Variants in PRUNE2 observed in about 807,000 individuals in gnomAD.
PRUNE2 encodes the protein prune homolog 2 with BCH domain.
PRUNE2 carries 164 observed loss-of-function variants against 252.0 expected under a neutral mutation model. That is an observed-to-expected ratio of 0.65 (90% CI 0.57 to 0.74). PRUNE2 has a LOEUF of 0.74. PRUNE2 is among the 30% of genes least tolerant of loss of function. The probability of loss-of-function intolerance (pLI) is 0.00; values close to 1 mark genes in which losing one functional copy is unlikely to be tolerated. For missense variants in PRUNE2, 3,495 were observed against 3,711.0 expected, an observed-to-expected ratio of 0.94 and a Z score of 1.51; for synonymous variants, 1,292 against 1,350.2, an observed-to-expected ratio of 0.96 and a Z score of 0.94.
chr9:76,623,958 T>C (rs1043583467), intron 17 of PRUNE2, among the ~76,000 whole-genome samples: 12 of 152,362 alleles, frequency 7.9e-5, no homozygotes, highest in African/African-American at 2.6e-4. Context: ...TGTTTTTCTA[T>C]TCATCAAAAT....
At chr9:76,902,730 T>C (rs982853104) in intron 1 of PRUNE2, among the ~76,000 whole-genome samples, 2 of 152,194 alleles carry the variant, frequency 1.3e-5, no homozygotes, top group Admixed American at 1.3e-4. Flanking sequence ...TTCACAAATA[T>C]GCTCCAGCCC....
Position 76,855,081 on chromosome 9 carries a change from A to AT in PRUNE2, c.37-874_37-873insA, listed in dbSNP as rs1457091383. 4.2e-3 allele frequency among the ~76,000 whole-genome samples: 575 copies of AT among 136,546 alleles called. 1 individual carries two copies. Among genetic ancestry groups the AT allele is most frequent in the Middle Eastern group, 0.016 (4 of 254 alleles). The allele number at this position is 136,546 out of a possible 152,430, so 89.6% of individuals were successfully genotyped here. A position where few individuals can be genotyped will look rare whatever the true frequency, so the allele number is the denominator to read the frequency against. ...CTCCATCTCAAAAAAAAAAAAAAAA[A>AT]AATATATATATATATATATATAGTC... On this transcript the variant is annotated intron_variant, in intron 1 of 18. Transcript: ENST00000376718.
intron 9 of PRUNE2, among the ~76,000 whole-genome samples, chr9:76,670,884 C>A (rs1040918788): frequency 6.6e-6 from 1 of 151,948 alleles, no homozygotes; most frequent in Non-Finnish European, 1.5e-5. Context: ...AGGACATCCA[C>A]ACCAAAAACC....
At chr9:76,717,485 C>A (rs942830921) in intron 6 of PRUNE2, among the ~76,000 whole-genome samples, 1 of 151,986 alleles carries the variant, frequency 6.6e-6, no homozygotes, top group Non-Finnish European at 1.5e-5. Flanking sequence ...CATTTTATTC[C>A]CCCCATCTGC....
Position 76,613,062 on chromosome 9 carries a change from T to G in PRUNE2, c.*1508A>C, listed in dbSNP as rs1827936687. On this transcript the variant is annotated 3_prime_UTR_variant, in exon 19 of 19. Transcript: ENST00000376718. ...CTAAAGAAGTGCTTCTAAGAAGGCT[T>G]CATTTTGGCAATTGCAACCTAAGCA... 6.6e-6 allele frequency: 1 copy of G among 152,204 alleles called. No individual in the cohort carries two copies. The allele number at this position is 152,204 out of a possible 1,614,324, so 9.4% of individuals were successfully genotyped here. A position where few individuals can be genotyped will look rare whatever the true frequency, so the allele number is the denominator to read the frequency against.
Position 76,664,000 on chromosome 9 carries a change from C to T in PRUNE2, c.8277-8498G>A, listed in dbSNP as rs187832285. The stretch of plus-strand genomic sequence containing the variant: ...AAACCTAATCCCACATCTTCCTCTA[C>T]GCAGATCCGCTACATCCTACCTTCT... On this transcript the variant is annotated intron_variant, in intron 9 of 18. Transcript: ENST00000376718. Among the ~76,000 whole-genome samples, 8 of 152,302 alleles carry T rather than the reference C, an allele frequency of 5.3e-5. No individual in the cohort carries two copies. The South Asian group carries it at 6.2e-4, about 12-fold the overall frequency.
At chr9:76,873,763 C>G (rs146357278) in intron 1 of PRUNE2, among the ~76,000 whole-genome samples, 1 of 152,154 alleles carries the variant, frequency 6.6e-6, no homozygotes, top group Non-Finnish European at 1.5e-5. Context: ...TACACAATAT[C>G]GATGGCATTT....
chr9:76,614,482 A>T lies in PRUNE2; in HGVS notation c.*88T>A. 9.1e-7 allele frequency: 1 copy of T among 1,097,122 alleles called. No homozygotes were observed. The highest frequency in any genetic ancestry group is 1.4e-6 in the Non-Finnish European group (1 of 725,428). The allele number at this position is 1,097,122 out of a possible 1,614,324, so 68.0% of individuals were successfully genotyped here. Reference sequence around the variant, plus strand: ...GCACCAGGTAGTGCAAAGTGGAAAAAGGTAACATCAGCCCTGTCTCTTTCA... The same window carrying T: ...GCACCAGGTAGTGCAAAGTGGAAAATGGTAACATCAGCCCTGTCTCTTTCA... On this transcript the variant is annotated 3_prime_UTR_variant, in exon 19 of 19. Coordinates refer to ENST00000376718, the MANE Select transcript of PRUNE2 (RefSeq NM_015225.3).
Position 76,709,347 on chromosome 9 carries a change from G to C in PRUNE2, c.2927C>G (p.Pro976Arg), listed in dbSNP as rs926669829. ...NYSTSDSYTS[P>R]TFAGDEKETE... ...TTCCTTTTCGTCTCCAGCAAATGTTGGTGATGTGTAAGAGTCTGAGGTGGA... is the reference window on the plus strand; with the variant it reads ...TTCCTTTTCGTCTCCAGCAAATGTTCGTGATGTGTAAGAGTCTGAGGTGGA... Residue 976 changes from proline to arginine, a missense_variant, in exon 8 of 19, where the codon CCA (proline) becomes CGA (arginine). Transcript: ENST00000376718. 1 of 1,613,858 alleles carries C rather than the reference G, an allele frequency of 6.2e-7. No individual in the cohort carries two copies. Among genetic ancestry groups the C allele is most frequent in the African/African-American group, 1.3e-5 (1 of 74,910 alleles).
intron 1 of PRUNE2, among the ~76,000 whole-genome samples, chr9:76,863,778 T>C (rs1445137462): frequency 6.6e-6 from 1 of 152,238 alleles, no homozygotes; most frequent in Admixed American, 6.5e-5. Flanking sequence ...CATTTGCTCC[T>C]CTGCTTTGCC....
At chr9:76,696,224 T>C (rs138760338) in intron 9 of PRUNE2, among the ~76,000 whole-genome samples, 3 of 152,294 alleles carry the variant, frequency 2.0e-5, no homozygotes, top group African/African-American at 4.8e-5. Flanking sequence ...AACTCTTACA[T>C]AGATCTCAGA....
At chr9:76,905,612 C>T (rs2063445209) in intron 1 of PRUNE2, among the ~76,000 whole-genome samples, 1 of 152,192 alleles carries the variant, frequency 6.6e-6, no homozygotes, top group African/African-American at 2.4e-5. Context: ...AGGAAGACCA[C>T]ACCCATTTAT....
intron 9 of PRUNE2, among the ~76,000 whole-genome samples, chr9:76,676,084 A>AAAAAAAAC (rs891487708): frequency 6.7e-6 from 1 of 149,352 alleles, no homozygotes; most frequent in Admixed American, 6.7e-5. Flanking sequence ...AACCAAAAAC[A>AAAAAAAAC]AAAAAAACTA....
chr9:76,703,493 G>C lies in PRUNE2; in HGVS notation c.8120C>G (p.Ala2707Gly). 1 of 1,613,712 alleles carries C rather than the reference G, an allele frequency of 6.2e-7. No homozygotes were observed. The highest frequency in any genetic ancestry group is 8.5e-7 in the Non-Finnish European group (1 of 1,179,858). ...QSQKSKSRGR[A>G]GPDAVTLQAV... ...CTGCAACGTAACTGCATCCGGGCCAGCCCTGCCTCGGCTCTTACTCTTCTG... is the reference window on the plus strand; with the variant it reads ...CTGCAACGTAACTGCATCCGGGCCACCCCTGCCTCGGCTCTTACTCTTCTG... The change falls in exon 9 of 19, where the codon GCT becomes GGT. Residue 2707 changes from alanine (A) to glycine (G), a missense_variant. Ala to Gly is a moderately conservative substitution (Grantham distance 60). Coordinates refer to ENST00000376718, the MANE Select transcript of PRUNE2 (RefSeq NM_015225.3).
In PRUNE2 at chr9:76,713,498, T is replaced by C. The variant is rs1588770578; in HGVS notation, c.915+65A>G. On this transcript the variant is annotated intron_variant, in intron 7 of 18. Transcript: ENST00000376718. Reference sequence around the variant, plus strand: ...GCCACCAATCTGTTCTGTCTTGCACTGTGTGTTCTGAGAGCCAGCAGGTTA... The same window carrying C: ...GCCACCAATCTGTTCTGTCTTGCACCGTGTGTTCTGAGAGCCAGCAGGTTA... 1.9e-5 allele frequency: 27 copies of C among 1,402,058 alleles called. No homozygotes were observed. In the East Asian group the frequency reaches 6.2e-4, roughly 32 times the overall value. 86.9% of individuals were successfully genotyped at this position (1,402,058 alleles called of 1,614,324 possible).
chr9:76,619,294 A>C, intron 18 of PRUNE2, 46 bp downstream of exon 18: 7 of 1,310,776 alleles, frequency 5.3e-6, no homozygotes, highest in Non-Finnish European at 7.6e-6. Context: ...CCAGCCATAC[A>C]ACACTACAAG....
intron 9 of PRUNE2, among the ~76,000 whole-genome samples, chr9:76,668,390 AC>A (rs2040619828): frequency 6.6e-6 from 1 of 152,192 alleles, no homozygotes; most frequent in Non-Finnish European, 1.5e-5. Flanking sequence ...CTATCTTGTT[AC>A]TTTCAATTAC....
intron 9 of PRUNE2, 90 bp from the exon 10 acceptor site, chr9:76,655,592 A>AT: frequency 1.1e-6 from 1 of 925,300 alleles, no homozygotes. Flanking sequence ...CCAGGATAAC[A>AT]TTTTCAACTC....
At chr9:76,796,805 T>C (rs1315964898) in intron 6 of PRUNE2, among the ~76,000 whole-genome samples, 4 of 152,206 alleles carry the variant, frequency 2.6e-5, no homozygotes, top group Admixed American at 1.3e-4. Flanking sequence ...TCCAATCAAC[T>C]GAAGACTCAA....
Sources: gnomAD v4.1 joint callset for allele counts (sites outside exome capture counted in the v4.1 genomes callset) on GRCh38, gnomAD v4.1.1 for gene constraint, MANE v1.5 for transcripts, NCBI Gene and HGNC (gene_info 2026-07-23, HGNC 2026-07-21) for gene names.